Variants in SCAF4 observed in about 807,000 individuals in gnomAD.
SCAF4 encodes the protein SR-related CTD associated factor 4, also known as SR-related and CTD-associated factor 4.
In SCAF4, 25 loss-of-function variants were observed where a neutral mutation model predicts 129.8. The ratio of observed to expected loss-of-function variants is 0.19; its 90% confidence interval spans 0.14 to 0.27. SCAF4 has a LOEUF of 0.27. Among genes scored for constraint, SCAF4 ranks in the 10% least tolerant of loss-of-function variants. The pLI is 1.00. For missense variants in SCAF4, 1,246 were observed against 1,457.1 expected (o/e 0.86, Z 2.36); for synonymous variants, 551 against 497.7 (o/e 1.11, Z -1.43).
Position 31,696,209 on chromosome 21 carries a change from T to C in SCAF4, c.972A>G (p.Gly324=). The change falls in exon 9 of 20, where the codon GGA becomes GGG. Residue 324 remains glycine (G), a synonymous_variant. Transcript: ENST00000286835. The part of the protein sequence containing the change: ...PPPQAPFGFP[G]DGMQQPAYTQ... ...TGTATGCTGGCTGCTGCATGCCATC[T>C]CCAGGAAAGCCACTAAAAAAAGGTG... The C allele has an allele frequency of 6.2e-7, 1 of 1,613,484 alleles. No homozygotes were observed. Among genetic ancestry groups the C allele is most frequent in the Non-Finnish European group, 8.5e-7 (1 of 1,179,634 alleles).
intron 7 of SCAF4, chr21:31,700,788 G>A: frequency 4.6e-6 from 2 of 433,182 alleles, no homozygotes; most frequent in Non-Finnish European, 8.1e-6. Context: ...AGTAAATTCA[G>A]CTTCAAACCC....
Position 31,694,877 on chromosome 21 carries a change from T to A in SCAF4, c.1172A>T (p.Gln391Leu). The A allele has an allele frequency of 6.2e-7, 1 of 1,614,158 alleles. No individual in the cohort carries two copies. Residue 391 changes from glutamine to leucine, a missense_variant, in exon 10 of 20, where the codon CAG becomes CTG. By Grantham distance (113) the Gln-to-Leu change is moderately radical. Coordinates refer to ENST00000286835, the MANE Select transcript of SCAF4 (RefSeq NM_020706.2). Reference sequence around the variant, plus strand: ...CTGAAAAGAAGCTTGGAAAGGCTGCTGCACTGGTGGAGTTGGAGGAATCAC... The same window carrying A: ...CTGAAAAGAAGCTTGGAAAGGCTGCAGCACTGGTGGAGTTGGAGGAATCAC... ...QPVIPPTPPV[Q>L]QPFQASFQAQ...
intron 1 of SCAF4, among the ~76,000 whole-genome samples, chr21:31,723,969 T>C (rs1296567405): frequency 6.6e-6 from 1 of 152,218 alleles, no homozygotes; most frequent in Non-Finnish European, 1.5e-5. Context: ...ACTCCACTGC[T>C]GAGTTACACT....
intron 1 of SCAF4, among the ~76,000 whole-genome samples, chr21:31,710,138 T>TCTA (rs1344599650): frequency 6.6e-6 from 1 of 152,122 alleles, no homozygotes; most frequent in African/African-American, 2.4e-5. Context: ...CTACTAAATA[T>TCTA]CTAGGCAGAG....
At chr21:31,723,629 T>TGTGTGTGTGTGCGCGC (rs1271033175) in intron 1 of SCAF4, among the ~76,000 whole-genome samples, 3 of 149,000 alleles carry the variant, frequency 2.0e-5, no homozygotes, top group African/African-American at 7.4e-5. Context: ...TGTGTGTGTG[T>TGTGTGTGTGTGCGCGC]GCGCGCGCGC....
intron 19 of SCAF4, among the ~76,000 whole-genome samples, chr21:31,676,282 T>C (rs896262341): frequency 6.6e-6 from 1 of 152,168 alleles, no homozygotes; most frequent in African/African-American, 2.4e-5. Context: ...ATTCCCAATT[T>C]CAAGTACCCC....
intron 1 of SCAF4, among the ~76,000 whole-genome samples, chr21:31,726,266 C>T (rs762313431): frequency 6.6e-6 from 1 of 152,106 alleles, no homozygotes; most frequent in Non-Finnish European, 1.5e-5. Flanking sequence ...AGAATGGTCT[C>T]GATCTCTTGA....
chr21:31,672,586 TAAAA>T (rs1568817958), intron 19 of SCAF4, among the ~76,000 whole-genome samples: 1 of 152,186 alleles, frequency 6.6e-6, no homozygotes, highest in Admixed American at 6.5e-5. Context: ...AACTGGGAAA[TAAAA>T]TAGTAATGGT....
chr21:31,719,277 C>T (rs1231541061), intron 1 of SCAF4, among the ~76,000 whole-genome samples: 2 of 151,148 alleles, frequency 1.3e-5, no homozygotes, highest in Non-Finnish European at 2.9e-5. Flanking sequence ...GCAACAAGAA[C>T]GAAACTCTGT....
intron 19 of SCAF4, among the ~76,000 whole-genome samples, chr21:31,677,268 C>T (rs534496314): frequency 1.4e-4 from 22 of 152,158 alleles, no homozygotes; most frequent in African/African-American, 3.4e-4. Flanking sequence ...ACATAACAAC[C>T]GAGCACATAG....
At chr21:31,717,842 T>TATATATATAC (rs547466352) in intron 1 of SCAF4, among the ~76,000 whole-genome samples, 6 of 114,382 alleles carry the variant, frequency 5.2e-5, no homozygotes, top group Non-Finnish European at 1.0e-4. Flanking sequence ...TATATATATA[T>TATATATATAC]ACACACACAC....
intron 1 of SCAF4, among the ~76,000 whole-genome samples, chr21:31,723,434 CAG>C (rs1041143158): frequency 1.3e-5 from 2 of 151,664 alleles, no homozygotes; most frequent in Non-Finnish European, 2.9e-5. Context: ...GCCTGGGTGA[CAG>C]AGCAACACTC....
In SCAF4 at chr21:31,727,344, C is replaced by T. The variant is rs188509030; in HGVS notation, c.30+4319G>A. Among the ~76,000 whole-genome samples the T allele has an allele frequency of 1.8e-3, 276 of 152,184 alleles. 2 individuals carry two copies. Among genetic ancestry groups the T allele is most frequent in the Non-Finnish European group, 2.9e-3 (195 of 68,014 alleles). ...TCACCCGCCTTGGGCTCCCAAAGTA[C>T]TGGAATTACAGGCGTAAGCCACCGT... On this transcript the variant is annotated intron_variant, in intron 1 of 19. Transcript: ENST00000286835.
At chr21:31,727,166 C>A (rs1258020851) in intron 1 of SCAF4, among the ~76,000 whole-genome samples, 1 of 151,962 alleles carries the variant, frequency 6.6e-6, no homozygotes, top group Non-Finnish European at 1.5e-5. Flanking sequence ...GCAACCTCTG[C>A]CTCCAGGGTT....
At chr21:31,677,546 T>C (rs540807976) in intron 19 of SCAF4, among the ~76,000 whole-genome samples, 3 of 152,312 alleles carry the variant, frequency 2.0e-5, no homozygotes, top group African/African-American at 7.2e-5. Context: ...GAAAGCACTT[T>C]TCTCACAGTC....
chr21:31,671,994 T>TGCTGCTGTG lies in SCAF4; in HGVS notation c.2840_2848dup (p.Pro947_Gln949dup), dbSNP rs762955964. On this transcript the variant is annotated inframe_insertion, in exon 20 of 20. Coordinates refer to ENST00000286835, the MANE Select transcript of SCAF4 (RefSeq NM_020706.2). ...TTGCTGGGGCGCCTGCGGCTGTGGC[T>TGCTGCTGTG]GCTGCTGTGGCTGCTGCGGCGGCTG... 4.1e-5 allele frequency: 66 copies of TGCTGCTGTG among 1,612,284 alleles called. No homozygotes were observed. In the East Asian group the frequency reaches 1.1e-3, roughly 28 times the overall value.
intron 3 of SCAF4, 57 bp from the exon 4 acceptor site, chr21:31,703,983 C>T (rs1248186069): frequency 2.8e-6 from 3 of 1,088,568 alleles, no homozygotes; most frequent in African/African-American, 1.6e-5. Context: ...AATCTGACAC[C>T]CATTATTTTC....
At chr21:31,682,635 C>A (rs1031343906) in intron 19 of SCAF4, among the ~76,000 whole-genome samples, 38 of 152,116 alleles carry the variant, frequency 2.5e-4, no homozygotes, top group Non-Finnish European at 7.4e-5. Flanking sequence ...CATTTTTCTC[C>A]CCCTTTAGAG....
chr21:31,706,493 G>A (rs1455075022), intron 1 of SCAF4, 136 bp from the exon 2 acceptor site: 3 of 625,892 alleles, frequency 4.8e-6, no homozygotes, highest in Non-Finnish European at 8.5e-6. Context: ...TAGCAGCTAG[G>A]GCAGCAGGAA....
Sources: allele counts gnomAD v4.1 joint callset (sites outside exome capture counted in the v4.1 genomes callset), GRCh38; gene constraint gnomAD v4.1.1; transcripts MANE v1.5; gene names NCBI Gene and HGNC (gene_info 2026-07-23, HGNC 2026-07-21).